PDCD11: variants seen among roughly 807,000 people sequenced by gnomAD.
PDCD11 encodes programmed cell death 11, also known as protein RRP5 homolog.
A neutral mutation model predicts 198.9 loss-of-function variants in PDCD11; 97 were observed. That is an observed-to-expected ratio of 0.49 (90% confidence interval 0.41 to 0.58). The LOEUF is 0.58. Among genes scored for constraint, PDCD11 ranks in the 20% least tolerant of loss-of-function variants. The probability of loss-of-function intolerance (pLI) is 0.00; values close to 1 mark genes in which losing one functional copy is unlikely to be tolerated. For missense variants in PDCD11, 2,102 were observed against 2,312.7 expected, an observed-to-expected ratio of 0.91 and a Z score of 1.87; for synonymous variants, 893 against 918.0, an observed-to-expected ratio of 0.97 and a Z score of 0.49.
Position 103,440,291 on chromosome 10 carries a change from C to T in PDCD11, c.4150C>T (p.Leu1384Phe), listed in dbSNP as rs767921889. 14 of 1,612,374 alleles carry T rather than the reference C, an allele frequency of 8.7e-6. No individual in the cohort carries two copies. In the South Asian group the frequency reaches 1.4e-4, roughly 16 times the overall value. ...GKLLTARVLR[L>F]NHQKNLVELS... is the part of the protein sequence containing the mutation. ...CCTCCCCATCTTGCTCTGTCATAGC[C>T]TTAACCACCAGAAGAACCTGGTAGA... Residue 1384 changes from leucine to phenylalanine, a missense_variant and splice_region_variant, in exon 29 of 36, where the codon CTT becomes TTT. By Grantham distance (22) the Leu-to-Phe change is conservative. Coordinates refer to ENST00000369797, the MANE Select transcript of PDCD11 (RefSeq NM_014976.2).
intron 4 of PDCD11, among the ~76,000 whole-genome samples, chr10:103,403,951 A>G (rs773584855): frequency 3.3e-5 from 5 of 152,210 alleles, no homozygotes; most frequent in Non-Finnish European, 5.9e-5. Context: ...ATCCTGAGAT[A>G]GGAAACCCTG....
chr10:103,438,074 G>A lies in PDCD11; in HGVS notation c.3902+3G>A, dbSNP rs2032227011. On this transcript the variant is annotated splice_donor_region_variant and intron_variant, in intron 26 of 35. Transcript: ENST00000369797. The stretch of plus-strand genomic sequence containing the variant: ...ACTTTGTCGCTGCGATCATCCAGGT[G>A]GGTTTCTGTGTTGTTGGAAAAAGAA... 3 of 1,612,716 alleles carry A rather than the reference G, an allele frequency of 1.9e-6. No homozygotes were observed. The highest frequency in any genetic ancestry group is 2.5e-6 in the Non-Finnish European group (3 of 1,178,938).
intron 26 of PDCD11, among the ~76,000 whole-genome samples, chr10:103,438,446 T>C (rs2032242262): frequency 6.6e-6 from 1 of 152,218 alleles, no homozygotes; most frequent in South Asian, 2.1e-4. Flanking sequence ...GCCAAGGCTT[T>C]AGGTTTGACC....
In PDCD11 at chr10:103,398,527, A is replaced by G; in HGVS notation, c.101A>G (p.Asp34Gly). Reference sequence around the variant, plus strand: ...TCAGTTGAACAAGACAACTTATTTGATGTAAGTAGTATGCTTGTTTGGTGA... The same window carrying G: ...TCAGTTGAACAAGACAACTTATTTGGTGTAAGTAGTATGCTTGTTTGGTGA... ...QQSVEQDNLFDISTEEGSTKR... is the reference protein window; with the variant it reads ...QQSVEQDNLFGISTEEGSTKR... Residue 34 changes from aspartate (D) to glycine (G), a missense_variant and splice_region_variant, in exon 2 of 36, where the codon GAT becomes GGT. Coordinates refer to ENST00000369797, the MANE Select transcript of PDCD11 (RefSeq NM_014976.2). The G allele has an allele frequency of 1.3e-6, 2 of 1,595,216 alleles. No homozygotes were observed. The highest frequency in any genetic ancestry group is 8.6e-7 in the Non-Finnish European group (1 of 1,162,674).
intron 8 of PDCD11, among the ~76,000 whole-genome samples, chr10:103,410,601 CTTT>C (rs538298131): frequency 2.0e-4 from 26 of 129,834 alleles, no homozygotes; most frequent in Non-Finnish European, 4.4e-4. Context: ...CTTTTCTTTT[CTTT>C]TTTTTTTTTT....
intron 9 of PDCD11, 65 bp downstream of exon 9, chr10:103,413,387 C>A: frequency 7.7e-7 from 1 of 1,303,636 alleles, no homozygotes; most frequent in Non-Finnish European, 1.1e-6. Context: ...GCACAGGGGG[C>A]CATTTCTGCT....
chr10:103,442,124 G>A (rs2032410651), intron 31 of PDCD11, 89 bp from the exon 32 acceptor site: 1 of 1,570,342 alleles, frequency 6.4e-7, no homozygotes. Context: ...AGAGCCCTGG[G>A]CTGCCCAGCC....
intron 4 of PDCD11, among the ~76,000 whole-genome samples, chr10:103,404,342 A>G (rs984092342): frequency 6.6e-6 from 1 of 151,740 alleles, no homozygotes; most frequent in African/African-American, 2.4e-5. Context: ...TCTTTAGCCC[A>G]GGCTGGAGTG....
intron 4 of PDCD11, among the ~76,000 whole-genome samples, chr10:103,403,770 GTAGTCGTTC>G (rs2030265757): frequency 6.6e-6 from 1 of 152,208 alleles, no homozygotes; most frequent in South Asian, 2.1e-4. Flanking sequence ...GGAGGCTCTT[GTAGTCGTTC>G]ACGTCCTGAG....
chr10:103,427,767 AG>A (rs879581565), intron 21 of PDCD11, among the ~76,000 whole-genome samples: 1 of 152,152 alleles, frequency 6.6e-6, no homozygotes, highest in Non-Finnish European at 1.5e-5. Flanking sequence ...GGTGGGCTGG[AG>A]GCTGAATAGG....
chr10:103,416,927 A>T (rs2031145162), intron 13 of PDCD11, among the ~76,000 whole-genome samples, 185 bp downstream of exon 13: 1 of 152,226 alleles, frequency 6.6e-6, no homozygotes, highest in African/African-American at 2.4e-5. Flanking sequence ...AGCGGGGTTC[A>T]GCAGAAGCTG....
At chr10:103,421,889 C>T (rs2133713196) in intron 17 of PDCD11, among the ~76,000 whole-genome samples, 1 of 149,400 alleles carries the variant, frequency 6.7e-6, no homozygotes, top group East Asian at 2.0e-4. Context: ...ATGGCGTGAA[C>T]CCGGGAAGCG....
intron 8 of PDCD11, among the ~76,000 whole-genome samples, chr10:103,411,377 A>T (rs1394367248): frequency 6.6e-6 from 1 of 151,944 alleles, no homozygotes; most frequent in African/African-American, 2.4e-5. Flanking sequence ...TTATTTATTT[A>T]TTTTTTGAGA....
At chr10:103,438,973 A>T (rs956080322) in intron 27 of PDCD11, among the ~76,000 whole-genome samples, 165 bp downstream of exon 27, 1 of 152,220 alleles carries the variant, frequency 6.6e-6, no homozygotes, top group South Asian at 2.1e-4. Context: ...TAATACTTTT[A>T]AAACAACTGT....
rs1185244871 is a variant in PDCD11 at position 103,441,899 on chromosome 10, ACT to A, written c.4636_4637del (p.Leu1546AspfsTer17). 2 of 1,613,824 alleles carry A rather than the reference ACT, an allele frequency of 1.2e-6. No individual in the cohort carries two copies. The highest frequency in any genetic ancestry group is 1.7e-6 in the Non-Finnish European group (2 of 1,179,972). On this transcript the variant is annotated frameshift_variant, in exon 31 of 36. Transcript: ENST00000369797. LOFTEE classifies it high-confidence loss of function. ...GGCTTCGCTTGGAATGTGGGACTAGACTCTCTGACCCCGGCCTTGCCACCTCT... is the reference window on the plus strand; with the variant it reads ...GGCTTCGCTTGGAATGTGGGACTAGACTCTGACCCCGGCCTTGCCACCTCT...
intron 6 of PDCD11, among the ~76,000 whole-genome samples, 191 bp downstream of exon 6, chr10:103,406,299 T>A (rs2030444061): frequency 1.3e-5 from 2 of 152,192 alleles, no homozygotes; most frequent in South Asian, 4.1e-4. Flanking sequence ...TGGTAAGGTC[T>A]CACTAAGATC....
At chr10:103,406,895 CACTT>C in intron 7 of PDCD11, 105 bp downstream of exon 7, 1 of 838,858 alleles carries the variant, frequency 1.2e-6, no homozygotes, top group Non-Finnish European at 1.8e-6. Context: ...AGTCACTAGT[CACTT>C]ACGCCCATTG....
intron 12 of PDCD11, among the ~76,000 whole-genome samples, chr10:103,416,280 T>G (rs920455906): frequency 6.6e-6 from 1 of 152,060 alleles, no homozygotes; most frequent in African/African-American, 2.4e-5. Flanking sequence ...TTGCAGCAAT[T>G]TATGGGAGGA....
At chr10:103,441,326 T>C (rs2032375610) in intron 30 of PDCD11, among the ~76,000 whole-genome samples, 1 of 152,192 alleles carries the variant, frequency 6.6e-6, no homozygotes, top group Non-Finnish European at 1.5e-5. Flanking sequence ...TGTGTGATCT[T>C]GGCTCACTGC....
Sources: gnomAD v4.1 joint callset for allele counts (sites outside exome capture counted in the v4.1 genomes callset) on GRCh38, gnomAD v4.1.1 for gene constraint, MANE v1.5 for transcripts, NCBI Gene and HGNC (gene_info 2026-07-23, HGNC 2026-07-21) for gene names.